HEMK2: variants seen among roughly 807,000 people sequenced by gnomAD.
The protein encoded by HEMK2 is HemK methyltransferase 2, ETF1 glutamine and histone H4 lysine.
At chr21:28,759,858 C>T in the HEMK2 span, among the ~76,000 whole-genome samples, 1 of 152,092 alleles carries the variant, frequency 6.6e-6, no homozygotes, top group Non-Finnish European at 1.5e-5. Flanking sequence ...ACTGTGAGTC[C>T]CTTAAACCTC....
At chr21:28,847,833 T>C in the HEMK2 span, among the ~76,000 whole-genome samples, 2 of 152,194 alleles carry the variant, frequency 1.3e-5, no homozygotes, top group Non-Finnish European at 2.9e-5. Flanking sequence ...CAGTTTTCTG[T>C]ATGTGGCTAG....
chr21:28,653,263 G>A, the HEMK2 span, among the ~76,000 whole-genome samples: 1 of 150,226 alleles, frequency 6.7e-6, no homozygotes, highest in Admixed American at 6.6e-5. Context: ...CATCAATATT[G>A]CTTGTTTAAC....
chr21:28,605,776 T>G, the HEMK2 span, among the ~76,000 whole-genome samples: 1 of 152,216 alleles, frequency 6.6e-6, no homozygotes, highest in Non-Finnish European at 1.5e-5. Flanking sequence ...AAAGTGTTCA[T>G]TTTAAGGCCA....
chr21:28,716,548 C>T, the HEMK2 span, among the ~76,000 whole-genome samples: 1 of 152,170 alleles, frequency 6.6e-6, no homozygotes, highest in East Asian at 1.9e-4. Flanking sequence ...GTCTTTAGGG[C>T]TTTCTAGATA....
chr21:28,737,201 T>C, the HEMK2 span, among the ~76,000 whole-genome samples: 1 of 152,228 alleles, frequency 6.6e-6, no homozygotes, highest in Non-Finnish European at 1.5e-5. Flanking sequence ...CTCAGCTCAC[T>C]GAAGCCTCTG....
At chr21:28,812,144 GA>G in the HEMK2 span, among the ~76,000 whole-genome samples, 58 of 152,308 alleles carry the variant, frequency 3.8e-4, no homozygotes, top group African/African-American at 1.3e-3. Context: ...GGTCTAGCCA[GA>G]AGTATTAATG....
the HEMK2 span, chr21:28,674,557 G>A: frequency 2.6e-5 from 4 of 152,138 alleles, no homozygotes; most frequent in Admixed American, 6.5e-5. Flanking sequence ...TTAAATGGAA[G>A]GCTCACTTCA....
At chr21:28,694,248 A>C in the HEMK2 span, among the ~76,000 whole-genome samples, 86,841 of 152,086 alleles carry the variant, frequency 0.57, 28,109 homozygotes, top group African/African-American at 0.87. Context: ...CATACTTGCC[A>C]TAAATAGTAG....
the HEMK2 span, among the ~76,000 whole-genome samples, chr21:28,788,444 T>C: frequency 6.6e-6 from 1 of 151,984 alleles, no homozygotes; most frequent in Admixed American, 6.6e-5. Flanking sequence ...AAACATTGTA[T>C]GTTTTCACTG....
the HEMK2 span, among the ~76,000 whole-genome samples, chr21:28,610,745 C>T: frequency 6.6e-6 from 1 of 152,096 alleles, no homozygotes; most frequent in Non-Finnish European, 1.5e-5. Flanking sequence ...GCAGAAGTAG[C>T]TATTCTTGTA....
the HEMK2 span, among the ~76,000 whole-genome samples, chr21:28,660,533 C>A: frequency 6.6e-6 from 1 of 150,982 alleles, no homozygotes; most frequent in African/African-American, 2.4e-5. Context: ...ATATTTTTAT[C>A]TTTTGTTTTT....
At chr21:28,756,966 T>C in the HEMK2 span, among the ~76,000 whole-genome samples, 4 of 152,226 alleles carry the variant, frequency 2.6e-5, no homozygotes, top group African/African-American at 9.6e-5. Flanking sequence ...CTATCATTCA[T>C]TGCAAATACA....
At chr21:28,731,600 C>G in the HEMK2 span, among the ~76,000 whole-genome samples, 1 of 108,024 alleles carries the variant, frequency 9.3e-6, no homozygotes, top group South Asian at 3.2e-4. Context: ...ACTCCGGGAA[C>G]TGTTGTGGGG....
the HEMK2 span, among the ~76,000 whole-genome samples, chr21:28,862,572 G>C: frequency 8.1e-6 from 1 of 123,126 alleles, no homozygotes; most frequent in East Asian, 1.9e-4. Flanking sequence ...CCGGGAAGCG[G>C]AGCTTGCAGT....
the HEMK2 span, among the ~76,000 whole-genome samples, chr21:28,850,998 G>A: frequency 8.8e-6 from 1 of 113,904 alleles, no homozygotes; most frequent in Non-Finnish European, 1.8e-5. Context: ...ACTTCCATCT[G>A]ATAACGGAAT....
At chr21:28,739,439 A>G in the HEMK2 span, among the ~76,000 whole-genome samples, 6 of 152,214 alleles carry the variant, frequency 3.9e-5, no homozygotes, top group Admixed American at 3.9e-4. Context: ...ATAAAAATAG[A>G]CAGAATTACT....
At chr21:28,690,592 C>G in the HEMK2 span, among the ~76,000 whole-genome samples, 2 of 152,028 alleles carry the variant, frequency 1.3e-5, no homozygotes, top group Non-Finnish European at 2.9e-5. Context: ...TCACCTGAAC[C>G]AAGAAGTAGA....
At chr21:28,802,857 A>G in the HEMK2 span, among the ~76,000 whole-genome samples, 1 of 152,258 alleles carries the variant, frequency 6.6e-6, no homozygotes. Context: ...AAAAATAAAT[A>G]AATGAGTCTT....
At chr21:28,654,881 A>G in the HEMK2 span, among the ~76,000 whole-genome samples, 1,968 of 152,206 alleles carry the variant, frequency 0.013, 27 homozygotes, top group South Asian at 0.026. Context: ...TGCTGGATAT[A>G]AAATCCAATT....
Sources: gnomAD v4.1 joint callset for allele counts (sites outside exome capture counted in the v4.1 genomes callset) on GRCh38, gnomAD v4.1.1 for gene constraint, MANE v1.5 for transcripts, NCBI Gene and HGNC (gene_info 2026-07-23, HGNC 2026-07-21) for gene names.